The following ADAM12 variants were observed in gnomAD, a reference collection of about 807,000 sequenced individuals.
ADAM12 encodes the protein disintegrin and metalloproteinase domain-containing protein 12.
ADAM12 carries 70 observed loss-of-function variants against 106.4 expected under a neutral mutation model. That is an observed-to-expected ratio of 0.66 (90% confidence interval 0.54 to 0.80). The LOEUF (loss-of-function observed/expected upper bound fraction) is 0.80, where lower values mean the gene tolerates loss of function less well. ADAM12 is among the 30% of genes least tolerant of loss of function. ADAM12 has a pLI of 0.00. For synonymous variants in ADAM12, 420 were observed against 433.5 expected, an observed-to-expected ratio of 0.97 and a Z score of 0.39; for missense variants, 1,010 against 1,171.9, an observed-to-expected ratio of 0.86 and a Z score of 2.02.
intron 1 of ADAM12, among the ~76,000 whole-genome samples, chr10:126,340,206 T>C (rs1210335645): frequency 6.6e-6 from 1 of 152,196 alleles, no homozygotes; most frequent in African/African-American, 2.4e-5. Flanking sequence ...ACACATTCTC[T>C]GCCTAAGAAT....
chr10:126,059,507 A>G (rs1032670360), intron 14 of ADAM12, among the ~76,000 whole-genome samples: 3 of 152,200 alleles, frequency 2.0e-5, no homozygotes, highest in African/African-American at 7.2e-5. Flanking sequence ...CTAAACAATA[A>G]GACTTCTGGC....
At chr10:126,245,186 T>C (rs534201355) in intron 3 of ADAM12, among the ~76,000 whole-genome samples, 1 of 152,286 alleles carries the variant, frequency 6.6e-6, no homozygotes, top group Admixed American at 6.5e-5. Flanking sequence ...GTCTGTGCTT[T>C]GGAAAGGGCA....
intron 21 of ADAM12, among the ~76,000 whole-genome samples, chr10:126,028,119 G>C (rs1342836789): frequency 6.6e-6 from 1 of 152,120 alleles, no homozygotes; most frequent in Non-Finnish European, 1.5e-5. Flanking sequence ...TAGGAATGCA[G>C]CTACAAGGGA....
chr10:126,038,366 T>C lies in ADAM12; in HGVS notation c.2241-17A>G, dbSNP rs1954096280. ...CGCACACACCTGCAACAGAATCCCA[T>C]ACCTGCTGACCAAGCGTGTTTCCCC... is the stretch of plus-strand genomic sequence containing the variant. On this transcript the variant is annotated splice_polypyrimidine_tract_variant and intron_variant, in intron 19 of 22. Coordinates refer to ENST00000448723, the MANE Select transcript of ADAM12 (RefSeq NM_001288973.2). 6.5e-7 allele frequency: 1 copy of C among 1,546,720 alleles called. No individual in the cohort carries two copies. Among genetic ancestry groups the C allele is most frequent in the African/African-American group, 1.4e-5 (1 of 72,826 alleles).
chr10:126,098,585 G>A, intron 9 of ADAM12, 85 bp from the exon 10 acceptor site: 1 of 1,142,974 alleles, frequency 8.7e-7, no homozygotes, highest in East Asian at 2.4e-5. Flanking sequence ...GGATATTCCT[G>A]CAATAAAATA....
At chr10:126,090,528 A>G (rs1193187800) in intron 11 of ADAM12, among the ~76,000 whole-genome samples, 1 of 152,172 alleles carries the variant, frequency 6.6e-6, no homozygotes, top group Non-Finnish European at 1.5e-5. Flanking sequence ...GATAAACTCA[A>G]CTGAGTTAAA....
At chr10:126,182,527 C>A (rs1479450837) in intron 3 of ADAM12, among the ~76,000 whole-genome samples, 1 of 152,108 alleles carries the variant, frequency 6.6e-6, no homozygotes, top group Admixed American at 6.5e-5. Flanking sequence ...GACGTAAAAG[C>A]ATGAAAATAG....
chr10:126,090,224 G>C (rs1382611079), intron 11 of ADAM12, among the ~76,000 whole-genome samples: 1 of 151,470 alleles, frequency 6.6e-6, no homozygotes, highest in East Asian at 1.9e-4. Context: ...CAGTGGCAGG[G>C]GCTCGGTGAA....
chr10:126,279,065 G>A (rs1030709574), intron 2 of ADAM12, 77 bp from the exon 3 acceptor site: 12 of 1,073,152 alleles, frequency 1.1e-5, no homozygotes, highest in African/African-American at 4.7e-5. Context: ...ACCCACAGGC[G>A]TAGTCAAATG....
intron 3 of ADAM12, among the ~76,000 whole-genome samples, chr10:126,257,186 C>A (rs1414941939): frequency 6.6e-6 from 1 of 152,206 alleles, no homozygotes; most frequent in African/African-American, 2.4e-5. Flanking sequence ...ATGTGCTCTG[C>A]AAAACACAAT....
At chr10:126,272,875 G>C in intron 3 of ADAM12, 1 of 356,744 alleles carries the variant, frequency 2.8e-6, no homozygotes. Context: ...CCAGTTTCTA[G>C]GACTCTACAA....
At chr10:126,366,564 C>T (rs993968254) in intron 1 of ADAM12, among the ~76,000 whole-genome samples, 5 of 151,938 alleles carry the variant, frequency 3.3e-5, no homozygotes, top group African/African-American at 1.2e-4. Flanking sequence ...AGATAATGAA[C>T]GTAATTCTCC....
At chr10:126,110,006 T>A (rs1257387969) in intron 6 of ADAM12, among the ~76,000 whole-genome samples, 166 bp from the exon 7 acceptor site, 1 of 151,904 alleles carries the variant, frequency 6.6e-6, no homozygotes, top group Admixed American at 6.6e-5. Flanking sequence ...TCCAACCAAC[T>A]CTTTGTAAAA....
At chr10:126,311,532 C>G (rs1003583934) in intron 2 of ADAM12, among the ~76,000 whole-genome samples, 1 of 151,824 alleles carries the variant, frequency 6.6e-6, no homozygotes, top group Non-Finnish European at 1.5e-5. Context: ...TTGGTGGGCT[C>G]CTGGATGGGG....
intron 2 of ADAM12, among the ~76,000 whole-genome samples, chr10:126,315,989 C>T (rs954998153): frequency 6.6e-6 from 1 of 152,224 alleles, no homozygotes; most frequent in African/African-American, 2.4e-5. Context: ...TTTGGCAATG[C>T]AAACGCATTC....
intron 11 of ADAM12, among the ~76,000 whole-genome samples, chr10:126,076,133 C>CGTA (rs1955095824): frequency 6.6e-6 from 1 of 152,138 alleles, no homozygotes; most frequent in Non-Finnish European, 1.5e-5. Context: ...TTTACATCTA[C>CGTA]GTGTATTCAA....
At chr10:126,036,114 T>TACATCCTATCATATTAG (rs1371835629) in intron 21 of ADAM12, 32 bp downstream of exon 21, 4 of 1,361,750 alleles carry the variant, frequency 2.9e-6, no homozygotes, top group Non-Finnish European at 3.8e-6. Context: ...GGATTTGAAC[T>TACATCCTATCATATTAG]ACATCCTATC....
intron 1 of ADAM12, among the ~76,000 whole-genome samples, chr10:126,338,354 G>A (rs10437524): frequency 0.041 from 5,766 of 139,398 alleles, 383 homozygotes; most frequent in African/African-American, 0.14. Context: ...CCGGGTTCCC[G>A]CCATTCTCCT....
At chr10:126,095,533 C>CA (rs11396229) in intron 10 of ADAM12, among the ~76,000 whole-genome samples, 33,047 of 46,416 alleles carry the variant, frequency 0.71, 12,976 homozygotes, top group Non-Finnish European at 0.8. Context: ...GACTCTGTCT[C>CA]AAAAAAAAAA....
Sources: gnomAD v4.1 joint callset for allele counts (sites outside exome capture counted in the v4.1 genomes callset) on GRCh38, gnomAD v4.1.1 for gene constraint, MANE v1.5 for transcripts, NCBI Gene and HGNC (gene_info 2026-07-23, HGNC 2026-07-21) for gene names.